The following TDRD3 variants were observed in gnomAD, a reference collection of about 807,000 sequenced individuals.
TDRD3 encodes tudor domain-containing protein 3.
TDRD3 carries 45 observed loss-of-function variants against 86.7 expected under a neutral mutation model. The observed-to-expected ratio is 0.52, with a 90% CI of 0.41 to 0.67. TDRD3 has a LOEUF of 0.67. Ranked by LOEUF, TDRD3 falls within the 30% of genes least tolerant of loss-of-function variation. The pLI is 0.00. For missense variants in TDRD3, 814 were observed against 889.0 expected (o/e 0.92, Z 1.07); for synonymous variants, 298 against 301.7 (o/e 0.99, Z 0.13).
In TDRD3 at chr13:60,527,565, G is replaced by A. The variant is rs115819971; in HGVS notation, c.1142-802G>A. On this transcript the variant is annotated intron_variant, in intron 10 of 13. Transcript: ENST00000377881. ...TAGACATGCTATGTGAAATTATGGAGGAAGAAAGTATAAATGACATGGTAC... is the reference window on the plus strand; with the variant it reads ...TAGACATGCTATGTGAAATTATGGAAGAAGAAAGTATAAATGACATGGTAC... 2.8e-3 allele frequency among the ~76,000 whole-genome samples: 426 copies of A among 152,216 alleles called. 4 individuals are homozygous for A. The highest frequency in any genetic ancestry group is 9.8e-3 in the African/African-American group (409 of 41,540).
intron 10 of TDRD3, among the ~76,000 whole-genome samples, chr13:60,526,546 T>G (rs1438761602): frequency 6.6e-6 from 1 of 152,024 alleles, no homozygotes; most frequent in Non-Finnish European, 1.5e-5. Context: ...AAAGAAAAAT[T>G]TAATATTGAC....
intron 5 of TDRD3, among the ~76,000 whole-genome samples, chr13:60,471,155 A>G (rs1956069861): frequency 6.6e-6 from 1 of 152,154 alleles, no homozygotes. Context: ...GATGCACAGA[A>G]TTGTTGAAGA....
chr13:60,497,832 A>G (rs1956750476), intron 8 of TDRD3, among the ~76,000 whole-genome samples: 1 of 152,060 alleles, frequency 6.6e-6, no homozygotes, highest in African/African-American at 2.4e-5. Flanking sequence ...TGAGTTTTCT[A>G]ATTTATATAA....
chr13:60,518,307 C>T (rs908199911), intron 10 of TDRD3, among the ~76,000 whole-genome samples: 1 of 152,168 alleles, frequency 6.6e-6, no homozygotes, highest in Non-Finnish European at 1.5e-5. Context: ...CTGTTGAGCC[C>T]CTCTCAAGCT....
intron 1 of TDRD3, among the ~76,000 whole-genome samples, chr13:60,399,687 C>T (rs1377715373): frequency 2.6e-5 from 4 of 152,186 alleles, no homozygotes; most frequent in Admixed American, 6.5e-5. Flanking sequence ...CACTGACAAA[C>T]CATTTTTCTT....
chr13:60,470,590 G>GTTT (rs71092676), intron 5 of TDRD3, among the ~76,000 whole-genome samples: 2 of 93,504 alleles, frequency 2.1e-5, no homozygotes, highest in Admixed American at 1.1e-4. Context: ...TTATAGTTGG[G>GTTT]TTTTTTTTTT....
At chr13:60,512,005 A>C (rs534957654) in intron 10 of TDRD3, among the ~76,000 whole-genome samples, 1 of 151,632 alleles carries the variant, frequency 6.6e-6, no homozygotes, top group African/African-American at 2.4e-5. Flanking sequence ...GTCCCCTTAC[A>C]TTTGCTTTTG....
intron 1 of TDRD3, among the ~76,000 whole-genome samples, chr13:60,397,670 G>T (rs1372556626): frequency 6.8e-6 from 1 of 148,098 alleles, no homozygotes; most frequent in Admixed American, 6.7e-5. Context: ...GCGGGCCTGG[G>T]GAGAGGCCGG....
intron 5 of TDRD3, among the ~76,000 whole-genome samples, chr13:60,482,251 A>C (rs898308987): frequency 2.6e-5 from 4 of 152,020 alleles, no homozygotes; most frequent in African/African-American, 9.7e-5. Flanking sequence ...GAACTGTGAG[A>C]CTGATATTCT....
At chr13:60,487,350 C>T (rs986118453) in intron 7 of TDRD3, among the ~76,000 whole-genome samples, 1 of 152,004 alleles carries the variant, frequency 6.6e-6, no homozygotes, top group Non-Finnish European at 1.5e-5. Context: ...CTGGTGCATG[C>T]CTGTAATCCC....
intron 5 of TDRD3, among the ~76,000 whole-genome samples, chr13:60,481,982 C>A (rs1399162877): frequency 6.6e-6 from 1 of 152,146 alleles, no homozygotes; most frequent in African/African-American, 2.4e-5. Flanking sequence ...TATTTTTTAG[C>A]TCTCTGGATT....
intron 12 of TDRD3, among the ~76,000 whole-genome samples, chr13:60,544,456 A>AAAG (rs1240079686): frequency 6.7e-6 from 1 of 150,252 alleles, no homozygotes; most frequent in Admixed American, 6.6e-5. Context: ...AAAAAAAAAA[A>AAAG]AAAGAAAGAA....
chr13:60,559,626 A>G (rs892107644), intron 12 of TDRD3, among the ~76,000 whole-genome samples: 4 of 152,324 alleles, frequency 2.6e-5, no homozygotes, highest in Non-Finnish European at 5.9e-5. Flanking sequence ...TGCTAAATGA[A>G]ATAAGCCAGA....
chr13:60,471,450 A>G (rs867456399), intron 5 of TDRD3, among the ~76,000 whole-genome samples: 10 of 152,222 alleles, frequency 6.6e-5, no homozygotes, highest in Admixed American at 2.0e-4. Context: ...ATTAAGTTTC[A>G]TAATTGGAAA....
Position 60,411,043 on chromosome 13 carries a change from T to A in TDRD3, c.41+13638T>A, listed in dbSNP as rs532212533. Among the ~76,000 whole-genome samples, 9 of 152,350 alleles carry A rather than the reference T, an allele frequency of 5.9e-5. No homozygotes were observed. In the East Asian group the frequency reaches 1.7e-3, roughly 29 times the overall value. On this transcript the variant is annotated intron_variant, in intron 1 of 13. Coordinates refer to ENST00000377881, the MANE Select transcript of TDRD3 (RefSeq NM_001146070.2). Reference sequence around the variant, plus strand: ...ACCATTTTTGTGCCTGTGTTTACATTGTTGTTAGTGCAAAGTGGCCACCCA... The same window carrying A: ...ACCATTTTTGTGCCTGTGTTTACATAGTTGTTAGTGCAAAGTGGCCACCCA...
chr13:60,534,146 A>G (rs9538739), intron 11 of TDRD3, among the ~76,000 whole-genome samples: 20,952 of 152,044 alleles, frequency 0.14, 1,524 homozygotes, highest in East Asian at 0.2. Flanking sequence ...CCCTGTCTCT[A>G]TGAAAAATTT....
chr13:60,420,601 G>A (rs543964520), intron 1 of TDRD3, among the ~76,000 whole-genome samples: 8 of 151,998 alleles, frequency 5.3e-5, no homozygotes, highest in Admixed American at 5.2e-4. Context: ...AGTGACATTT[G>A]TAAAAAAAAA....
rs149602119 is a variant in TDRD3, at chr13:60,531,014, T to C, written c.1992+1797T>C. On this transcript the variant is annotated intron_variant, in intron 11 of 13. Coordinates refer to ENST00000377881, the MANE Select transcript of TDRD3 (RefSeq NM_001146070.2). ...TGATAGAATAAGGAGGAGTACAGAG[T>C]GAAACAGCTAGATGGCATAGGCTTT... Among the ~76,000 whole-genome samples, 17 of 152,116 alleles carry C rather than the reference T, an allele frequency of 1.1e-4. 1 individual carries two copies. In the East Asian group the frequency reaches 2.9e-3, roughly 26 times the overall value.
intron 1 of TDRD3, among the ~76,000 whole-genome samples, chr13:60,410,398 C>A (rs1038570164): frequency 2.0e-5 from 3 of 152,136 alleles, no homozygotes; most frequent in African/African-American, 4.8e-5. Context: ...AGAGTTTACT[C>A]TTGTTATCTT....
Sources: gnomAD v4.1 joint callset for allele counts (sites outside exome capture counted in the v4.1 genomes callset) on GRCh38, gnomAD v4.1.1 for gene constraint, MANE v1.5 for transcripts, NCBI Gene and HGNC (gene_info 2026-07-23, HGNC 2026-07-21) for gene names.